Variants in SPATA13 observed in about 807,000 individuals in gnomAD.
SPATA13 encodes spermatogenesis associated 13, also known as spermatogenesis-associated protein 13.
SPATA13 carries 50 observed loss-of-function variants against 104.0 expected under a neutral mutation model. The observed-to-expected ratio is 0.48, with a 90% CI of 0.38 to 0.61. The LOEUF is 0.61. Among genes scored for constraint, SPATA13 ranks in the 20% least tolerant of loss-of-function variants. The probability of loss-of-function intolerance (pLI) is 0.00; values close to 1 mark genes in which losing one functional copy is unlikely to be tolerated. For synonymous variants in SPATA13, 606 were observed against 667.5 expected, an observed-to-expected ratio of 0.91 and a Z score of 1.42; for missense variants, 1,524 against 1,690.6, an observed-to-expected ratio of 0.90 and a Z score of 1.73.
At chr13:24,220,549 A>G (rs1871522243) in intron 1 of SPATA13, among the ~76,000 whole-genome samples, 1 of 152,206 alleles carries the variant, frequency 6.6e-6, no homozygotes, top group African/African-American at 2.4e-5. Context: ...TGTTGAACTT[A>G]CTTTGCAACT....
chr13:24,090,836 C>G (rs1879885498), intron 3 of SPATA13, among the ~76,000 whole-genome samples: 1 of 152,196 alleles, frequency 6.6e-6, no homozygotes, highest in Non-Finnish European at 1.5e-5. Flanking sequence ...TGGAACTAAA[C>G]TTTCCTGTTT....
chr13:24,266,402 A>C (rs761639512), intron 4 of SPATA13, among the ~76,000 whole-genome samples: 5 of 152,144 alleles, frequency 3.3e-5, no homozygotes, highest in Non-Finnish European at 7.3e-5. Context: ...CTCTCACCTT[A>C]GCCTCCTGAG....
At position 24,286,468 on chromosome 13, in the gene SPATA13, T is replaced by A; in HGVS notation, c.2481+75T>A. 1.4e-6 allele frequency: 2 copies of A among 1,439,136 alleles called. No individual in the cohort carries two copies. Among genetic ancestry groups the A allele is most frequent in the Non-Finnish European group, 1.9e-6 (2 of 1,064,386 alleles). The allele number at this position is 1,439,136 out of a possible 1,614,324, so 89.1% of individuals were successfully genotyped here. ...GGATCCTTTCAGGTCAGAACTCGCC[T>A]TTTATCAGGTCAGCTCTTTTGTAAT... On this transcript the variant is annotated intron_variant, in intron 6 of 12. Coordinates refer to ENST00000382108, the MANE Select transcript of SPATA13 (RefSeq NM_001166271.3). This position sits in a 1 kb window ranked among gnomAD's most constrained non-coding sequence, Gnocchi z 4.9.
intron 4 of SPATA13, among the ~76,000 whole-genome samples, chr13:24,255,826 G>A (rs1214245899): frequency 2.0e-5 from 3 of 152,184 alleles, no homozygotes; most frequent in African/African-American, 7.2e-5. Flanking sequence ...AGCTCAGTAA[G>A]CCCACAAATT....
chr13:24,010,710 C>T (rs1249136853), intron 2 of SPATA13, among the ~76,000 whole-genome samples: 2 of 152,004 alleles, frequency 1.3e-5, no homozygotes, highest in Non-Finnish European at 2.9e-5. Flanking sequence ...ATCTTCCTCC[C>T]CACTCCTCCC....
At chr13:24,213,608 G>A (rs976185022) in intron 1 of SPATA13, among the ~76,000 whole-genome samples, 2 of 152,126 alleles carry the variant, frequency 1.3e-5, no homozygotes, top group Non-Finnish European at 2.9e-5. Flanking sequence ...CCTTCTCCCT[G>A]TCCTTTTTCT....
chr13:24,004,811 G>T (rs1292923920), intron 2 of SPATA13, among the ~76,000 whole-genome samples: 1 of 152,110 alleles, frequency 6.6e-6, no homozygotes, highest in African/African-American at 2.4e-5. Flanking sequence ...AGATGCAAAA[G>T]GATACTCAGC....
At chr13:24,024,388 T>C (rs975014173) in intron 3 of SPATA13, among the ~76,000 whole-genome samples, 1 of 151,820 alleles carries the variant, frequency 6.6e-6, no homozygotes, top group Non-Finnish European at 1.5e-5. Context: ...GATGGATAGA[T>C]GGAATGAAGG....
In SPATA13 at chr13:24,096,959, A is replaced by G. The variant is rs568487517; in HGVS notation, c.-112+79258A>G. 1.7e-3 allele frequency among the ~76,000 whole-genome samples: 253 copies of G among 152,322 alleles called. 1 individual carries two copies. The highest frequency in any genetic ancestry group is 0.01 in the Middle Eastern group (3 of 294). On this transcript the variant is annotated intron_variant, in intron 3 of 14. Transcript: ENST00000424834. ...CATAGCTAGATTTTCCTTTTAAAAG[A>G]TCACTCAGGCCCCTTATGTAGAATG...
chr13:24,282,916 C>A (rs908676374), intron 4 of SPATA13, among the ~76,000 whole-genome samples: 4 of 152,242 alleles, frequency 2.6e-5, no homozygotes, highest in Non-Finnish European at 5.9e-5. Flanking sequence ...CCTAAAACCT[C>A]TTCTCTTTCT....
At chr13:24,193,251 G>A (rs1472038956) in intron 1 of SPATA13, among the ~76,000 whole-genome samples, 1 of 152,130 alleles carries the variant, frequency 6.6e-6, no homozygotes, top group Non-Finnish European at 1.5e-5. Context: ...GGGAGTTGCA[G>A]GGGAAATGGA....
chr13:24,118,293 G>T (rs1353910219), intron 3 of SPATA13, among the ~76,000 whole-genome samples: 1 of 152,144 alleles, frequency 6.6e-6, no homozygotes, highest in African/African-American at 2.4e-5. Context: ...CTAATTTATA[G>T]ATAAGTTATT....
At chr13:24,131,500 GT>G (rs2137835310) in intron 3 of SPATA13, among the ~76,000 whole-genome samples, 1 of 152,278 alleles carries the variant, frequency 6.6e-6, no homozygotes, top group East Asian at 1.9e-4. Context: ...ATCAAGACAA[GT>G]CAGATAAAAG....
intron 2 of SPATA13, among the ~76,000 whole-genome samples, chr13:24,229,359 C>G (rs753430201): frequency 5.9e-5 from 9 of 152,322 alleles, no homozygotes; most frequent in Admixed American, 4.6e-4. Context: ...AGTTGGGACC[C>G]TGGCTCTATT....
At chr13:24,218,756 G>C (rs1871402099) in intron 1 of SPATA13, among the ~76,000 whole-genome samples, 2 of 150,680 alleles carry the variant, frequency 1.3e-5, no homozygotes, top group African/African-American at 4.9e-5. Flanking sequence ...AGTTGTGTTA[G>C]TGTGTTTTAT....
intron 3 of SPATA13, among the ~76,000 whole-genome samples, chr13:24,130,074 C>T (rs758648610): frequency 1.3e-5 from 2 of 152,180 alleles, no homozygotes; most frequent in Non-Finnish European, 2.9e-5. Flanking sequence ...TTCTTTCTGC[C>T]CAGAGTGGTG....
intron 11 of SPATA13, among the ~76,000 whole-genome samples, chr13:24,298,095 A>G (rs186658958): frequency 6.6e-6 from 1 of 152,346 alleles, no homozygotes; most frequent in Admixed American, 6.5e-5. Context: ...CTGTGGCCAC[A>G]TAACATTTAA....
chr13:24,059,148 T>C (rs1411284850), intron 3 of SPATA13, among the ~76,000 whole-genome samples: 1 of 151,268 alleles, frequency 6.6e-6, no homozygotes, highest in African/African-American at 2.4e-5. Context: ...ATTTTTTGTA[T>C]TTTTAGTAGA....
chr13:24,096,678 T>G (rs1004439185), intron 3 of SPATA13, among the ~76,000 whole-genome samples: 32 of 151,346 alleles, frequency 2.1e-4, no homozygotes, highest in African/African-American at 7.8e-4. Context: ...GAAATTCAAC[T>G]GAGAAATTAG....
Sources: allele counts gnomAD v4.1 joint callset (sites outside exome capture counted in the v4.1 genomes callset), GRCh38; gene constraint gnomAD v4.1.1; non-coding constraint Gnocchi (gnomAD v3.1); transcripts MANE v1.5; gene names NCBI Gene and HGNC (gene_info 2026-07-23, HGNC 2026-07-21).